ASPH: variants seen among roughly 807,000 people sequenced by gnomAD.
ASPH encodes the protein aspartate beta-hydroxylase, also known as aspartyl/asparaginyl beta-hydroxylase.
Under a neutral mutation model 118.4 loss-of-function variants are expected in ASPH, and 100 were observed. That is an observed-to-expected ratio of 0.84 (90% CI 0.72 to 1.00). The LOEUF (loss-of-function observed/expected upper bound fraction) is 1.00, where lower values mean the gene tolerates loss of function less well. Ranked by LOEUF, ASPH falls within the 50% of genes least tolerant of loss-of-function variation. The pLI, the probability that ASPH is intolerant of heterozygous loss-of-function variation, is 0.00. For synonymous variants in ASPH, 315 were observed against 325.6 expected, an observed-to-expected ratio of 0.97 and a Z score of 0.35; for missense variants, 920 against 919.5, an observed-to-expected ratio of 1.00 and a Z score of -0.01.
At chr8:61,696,793 T>C (rs1052707604) in intron 1 of ASPH, among the ~76,000 whole-genome samples, 2 of 152,356 alleles carry the variant, frequency 1.3e-5, no homozygotes, top group South Asian at 2.1e-4. Flanking sequence ...AGATGAGCTA[T>C]GTCCACTGAG....
At chr8:61,673,636 G>A (rs1369319599) in intron 3 of ASPH, among the ~76,000 whole-genome samples, 1 of 152,054 alleles carries the variant, frequency 6.6e-6, no homozygotes, top group Non-Finnish European at 1.5e-5. Flanking sequence ...AAGTTTAAAA[G>A]ACATGAGGTA....
At chr8:61,583,898 G>A (rs746642392) in intron 15 of ASPH, 46 bp downstream of exon 15, 1 of 1,244,792 alleles carries the variant, frequency 8.0e-7, no homozygotes, top group Admixed American at 2.3e-5. Flanking sequence ...AGTAATGCCT[G>A]AGTTTATTTA....
At chr8:61,572,885 T>G (rs1360150575) in intron 16 of ASPH, among the ~76,000 whole-genome samples, 3 of 152,108 alleles carry the variant, frequency 2.0e-5, no homozygotes, top group Non-Finnish European at 4.4e-5. Flanking sequence ...GAGAAAGAAA[T>G]AAAGCGTATT....
At chr8:61,571,628 A>AT (rs1833507303) in intron 16 of ASPH, among the ~76,000 whole-genome samples, 2 of 152,134 alleles carry the variant, frequency 1.3e-5, no homozygotes, top group Admixed American at 1.3e-4. Flanking sequence ...ATGGATATGG[A>AT]ACATGAGGAT....
intron 17 of ASPH, among the ~76,000 whole-genome samples, chr8:61,563,118 C>A (rs1045882823): frequency 2.6e-5 from 4 of 151,690 alleles, no homozygotes; most frequent in African/African-American, 4.8e-5. Context: ...AAGACATTCT[C>A]ATTTTTTACA....
At chr8:61,687,313 A>C (rs1830925819) in intron 1 of ASPH, 1 of 152,182 alleles carries the variant, frequency 6.6e-6, no homozygotes, top group African/African-American at 2.4e-5. Flanking sequence ...AGTAGACAAA[A>C]TATTTTTTCT....
At chr8:61,624,545 T>C in intron 13 of ASPH, 1 of 970,008 alleles carries the variant, frequency 1.0e-6, no homozygotes, top group Non-Finnish European at 1.2e-6. Flanking sequence ...TAGAGAATTC[T>C]TCTGTATTTT....
intron 16 of ASPH, among the ~76,000 whole-genome samples, chr8:61,575,825 G>T (rs140888982): frequency 6.6e-6 from 1 of 152,230 alleles, no homozygotes. Context: ...CCAGAGCCAC[G>T]CCTCCTCGAC....
chr8:61,712,495 G>C (rs556954388), intron 1 of ASPH, among the ~76,000 whole-genome samples: 1 of 152,132 alleles, frequency 6.6e-6, no homozygotes. Context: ...TTTTGTTTTC[G>C]TATCACGGGC....
At chr8:61,583,862 ATTTTT>A in intron 15 of ASPH, 77 bp downstream of exon 15, 1 of 829,362 alleles carries the variant, frequency 1.2e-6, no homozygotes, top group African/African-American at 1.8e-5. Flanking sequence ...TACACTTACT[ATTTTT>A]TTTTTTTTTA....
chr8:61,510,243 G>C (rs1281443561), intron 24 of ASPH, among the ~76,000 whole-genome samples: 1 of 152,134 alleles, frequency 6.6e-6, no homozygotes, highest in Admixed American at 6.5e-5. Flanking sequence ...GGATATTGAG[G>C]CTTAATGAGG....
Position 61,653,944 on chromosome 8 carries a change from A to G in ASPH, c.323-284T>C, listed in dbSNP as rs1812372036. ...AAAACAGTCATGTCTAAACCTGCCA[A>G]AAGTTCAATATGAGTTCAAGCTCCT... On this transcript the variant is annotated intron_variant, in intron 3 of 24. Coordinates refer to ENST00000379454, the MANE Select transcript of ASPH (RefSeq NM_004318.4). Among the ~76,000 whole-genome samples, 3 of 152,316 alleles carry G rather than the reference A, an allele frequency of 2.0e-5. No homozygotes were observed. The South Asian group carries it at 6.2e-4, about 32-fold the overall frequency.
chr8:61,649,236 A>G, intron 5 of ASPH, among the ~76,000 whole-genome samples: 2 of 152,172 alleles, frequency 1.3e-5, no homozygotes, highest in Non-Finnish European at 2.9e-5. Flanking sequence ...CTGATGGATT[A>G]GATGTGAGGG....
chr8:61,605,233 T>C (rs1346092851), intron 14 of ASPH, among the ~76,000 whole-genome samples: 1 of 152,228 alleles, frequency 6.6e-6, no homozygotes, highest in African/African-American at 2.4e-5. Flanking sequence ...AAGAGCCTCT[T>C]AGAAAAGGAA....
At chr8:61,544,721 G>C (rs973104047) in intron 21 of ASPH, among the ~76,000 whole-genome samples, 3 of 152,138 alleles carry the variant, frequency 2.0e-5, no homozygotes, top group African/African-American at 7.2e-5. Flanking sequence ...GTTTATAGAA[G>C]GTCATACAAT....
At chr8:61,663,625 C>A (rs1008225573) in intron 3 of ASPH, 1 of 985,170 alleles carries the variant, frequency 1.0e-6, no homozygotes, top group Admixed American at 6.2e-5. Flanking sequence ...TTTTGGTTTA[C>A]AATGTTCTTG....
At chr8:61,541,330 C>T (rs1563752006) in intron 21 of ASPH, among the ~76,000 whole-genome samples, 1 of 151,976 alleles carries the variant, frequency 6.6e-6, no homozygotes, top group Admixed American at 6.6e-5. Flanking sequence ...CGCCACTGCA[C>T]TCCAGCCTGG....
At chr8:61,663,581 G>T in intron 3 of ASPH, 4 of 985,364 alleles carry the variant, frequency 4.1e-6, no homozygotes, top group Non-Finnish European at 4.8e-6. Flanking sequence ...TTAGTGCCCT[G>T]TATCTGCCAA....
chr8:61,584,060 C>T lies in ASPH; in HGVS notation c.977-31G>A, dbSNP rs544285353. On this transcript the variant is annotated intron_variant, in intron 14 of 24. Coordinates refer to ENST00000379454, the MANE Select transcript of ASPH (RefSeq NM_004318.4). ...AGAAAAAAGAGATTTTTATTTTTAA[C>T]GTTTTTTGACTAGAAATAGTTATTA... is the stretch of plus-strand genomic sequence containing the variant. 654 of 1,322,586 alleles carry T rather than the reference C, an allele frequency of 4.9e-4. 9 individuals carry two copies. In the South Asian group the frequency reaches 6.9e-3, roughly 14 times the overall value. 81.9% of individuals were successfully genotyped at this position (1,322,586 alleles called of 1,614,324 possible). A position where few individuals can be genotyped will look rare whatever the true frequency, so the allele number is the denominator to read the frequency against.
Sources: gnomAD v4.1 joint callset for allele counts (sites outside exome capture counted in the v4.1 genomes callset) on GRCh38, gnomAD v4.1.1 for gene constraint, MANE v1.5 for transcripts, NCBI Gene and HGNC (gene_info 2026-07-23, HGNC 2026-07-21) for gene names.